UBE2W: variants seen among roughly 807,000 people sequenced by gnomAD.
UBE2W encodes ubiquitin-conjugating enzyme E2 W.
UBE2W carries 18 observed loss-of-function variants against 27.2 expected under a neutral mutation model. The observed-to-expected ratio is 0.66, with a 90% CI of 0.46 to 0.98. The LOEUF is 0.98. UBE2W is among the 50% of genes least tolerant of loss of function. The pLI, the probability that UBE2W is intolerant of heterozygous loss-of-function variation, is 0.00. For synonymous variants in UBE2W, 53 were observed against 57.2 expected, an observed-to-expected ratio of 0.93 and a Z score of 0.33; for missense variants, 90 against 180.2, an observed-to-expected ratio of 0.50 and a Z score of 2.87.
At chr8:73,815,277 A>G (rs1209417124) in intron 3 of UBE2W, among the ~76,000 whole-genome samples, 1 of 152,156 alleles carries the variant, frequency 6.6e-6, no homozygotes, top group Non-Finnish European at 1.5e-5. Context: ...CAGGAAGCTA[A>G]GGTGAGAGGA....
At chr8:73,872,170 T>C (rs1018797647) in intron 1 of UBE2W, among the ~76,000 whole-genome samples, 6 of 152,334 alleles carry the variant, frequency 3.9e-5, no homozygotes, top group South Asian at 2.1e-4. Flanking sequence ...CTGATATTAC[T>C]TTCTGCTTTA....
rs1808059328 is a variant in UBE2W at position 73,788,553 on chromosome 8, T to A, written c.*5549A>T. ...TGTGGTTAACTATGAAAAGATGCAT[T>A]TTCATGGTATCTGACACAATTTACC... On this transcript the variant is annotated 3_prime_UTR_variant, in exon 6 of 6. Transcript: ENST00000602593. The A allele has an allele frequency of 1.0e-6, 1 of 985,440 alleles. No individual in the cohort carries two copies. The highest frequency in any genetic ancestry group is 1.2e-6 in the Non-Finnish European group (1 of 829,930). The allele number at this position is 985,440 out of a possible 1,614,324, so 61.0% of individuals were successfully genotyped here.
intron 3 of UBE2W, among the ~76,000 whole-genome samples, chr8:73,813,424 A>T (rs1471788823): frequency 6.6e-6 from 1 of 152,200 alleles, no homozygotes; most frequent in East Asian, 1.9e-4. Context: ...ACAACTGTGA[A>T]GTAGAAGAGG....
In UBE2W at chr8:73,878,839, C is replaced by G. The variant is rs1015232386; in HGVS notation, c.-17G>C. 7 of 1,549,450 alleles carry G rather than the reference C, an allele frequency of 4.5e-6. No homozygotes were observed. In the African/African-American group the frequency reaches 6.9e-5, roughly 15 times the overall value. ...TGACGCCATGATGGAACCATCCCCCCAAGACCGGCGAGGCCAGAGACGCAG... is the reference window on the plus strand; with the variant it reads ...TGACGCCATGATGGAACCATCCCCCGAAGACCGGCGAGGCCAGAGACGCAG... On this transcript the variant is annotated 5_prime_UTR_variant, in exon 1 of 6. Transcript: ENST00000602593.
At chr8:73,813,119 C>T (rs1476927865) in intron 3 of UBE2W, among the ~76,000 whole-genome samples, 4 of 57,344 alleles carry the variant, frequency 7.0e-5, no homozygotes. Flanking sequence ...AGAACAACTG[C>T]CAAATTATCT....
chr8:73,855,387 CTACTT>C (rs1811246543), intron 1 of UBE2W, among the ~76,000 whole-genome samples: 1 of 140,548 alleles, frequency 7.1e-6, no homozygotes, highest in Non-Finnish European at 1.5e-5. Context: ...TCTTTATATT[CTACTT>C]TCTTTTTTTT....
chr8:73,878,838 C>G lies in UBE2W; in HGVS notation c.-16G>C, dbSNP rs540097389. 9.7e-4 allele frequency: 1,503 copies of G among 1,549,618 alleles called. 1 individual carries two copies. Among genetic ancestry groups the G allele is most frequent in the Non-Finnish European group, 1.2e-3 (1,382 of 1,145,858 alleles). On this transcript the variant is annotated 5_prime_UTR_variant, in exon 1 of 6. Transcript: ENST00000602593. The stretch of plus-strand genomic sequence containing the variant: ...TTGACGCCATGATGGAACCATCCCC[C>G]CAAGACCGGCGAGGCCAGAGACGCA...
intron 4 of UBE2W, 24 bp from the exon 5 acceptor site, chr8:73,805,750 A>T: frequency 7.0e-7 from 1 of 1,424,500 alleles, no homozygotes. Context: ...TAATTTAAAT[A>T]GGTTGAAAAA....
intron 1 of UBE2W, among the ~76,000 whole-genome samples, chr8:73,854,636 G>C (rs576643035): frequency 2.6e-5 from 4 of 152,244 alleles, no homozygotes; most frequent in African/African-American, 9.6e-5. Flanking sequence ...TGGTACCATA[G>C]ATTCTCTGAG....
At chr8:73,786,001 C>T (rs1010412276), downstream of UBE2W, among the ~76,000 whole-genome samples, 1 of 152,172 alleles carries the variant, frequency 6.6e-6, no homozygotes, top group Non-Finnish European at 1.5e-5. Context: ...ATTACATATG[C>T]CCTTTGAAGA....
At chr8:73,833,312 T>C (rs922911688) in intron 1 of UBE2W, among the ~76,000 whole-genome samples, 12 of 151,642 alleles carry the variant, frequency 7.9e-5, no homozygotes, top group Admixed American at 7.9e-4. Flanking sequence ...AAAAATTTTA[T>C]GCCTTGTGAC....
chr8:73,786,739 G>C lies in UBE2W; in HGVS notation c.*7363C>G. 1 of 985,406 alleles carries C rather than the reference G, an allele frequency of 1.0e-6. No homozygotes were observed. The highest frequency in any genetic ancestry group is 1.2e-6 in the Non-Finnish European group (1 of 829,932). The allele number at this position is 985,406 out of a possible 1,614,324, so 61.0% of individuals were successfully genotyped here. On this transcript the variant is annotated 3_prime_UTR_variant, in exon 6 of 6. Transcript: ENST00000602593. ...GGCCAGGTAGTGAAAGGCCCTAATGGTAAGGAGACTGGAGAGAAGGTAGAA... is the reference window on the plus strand; with the variant it reads ...GGCCAGGTAGTGAAAGGCCCTAATGCTAAGGAGACTGGAGAGAAGGTAGAA...
intron 1 of UBE2W, among the ~76,000 whole-genome samples, chr8:73,868,341 T>C (rs1811863311): frequency 6.6e-6 from 1 of 152,176 alleles, no homozygotes; most frequent in South Asian, 2.1e-4. Context: ...CATAGCCACA[T>C]ACCCCACGGG....
At chr8:73,805,472 C>CAAAAAAAAACAAAAAAAAAAAAAAAA in intron 5 of UBE2W, among the ~76,000 whole-genome samples, 179 bp downstream of exon 5, 4 of 43,690 alleles carry the variant, frequency 9.2e-5, no homozygotes, top group Non-Finnish European at 1.5e-4. Flanking sequence ...AAAAAAAAAA[C>CAAAAAAAAACAAAAAAAAAAAAAAAA]AAAAAAAACT....
intron 1 of UBE2W, among the ~76,000 whole-genome samples, chr8:73,860,939 C>G (rs1204297245): frequency 6.6e-6 from 1 of 151,964 alleles, no homozygotes; most frequent in African/African-American, 2.4e-5. Context: ...TTGAGACCAA[C>G]CTGGGCAACA....
intron 1 of UBE2W, among the ~76,000 whole-genome samples, chr8:73,877,604 G>C (rs1333558245): frequency 6.6e-6 from 1 of 152,122 alleles, no homozygotes; most frequent in Non-Finnish European, 1.5e-5. Flanking sequence ...AGGAGGAACA[G>C]AGACTTGCTT....
At chr8:73,831,448 G>A (rs1810059968) in intron 1 of UBE2W, 1 of 156,916 alleles carries the variant, frequency 6.4e-6, no homozygotes, top group South Asian at 1.9e-4. Flanking sequence ...AAAGATCCTG[G>A]AAGAACCACA....
chr8:73,835,509 G>A (rs1412682074), intron 1 of UBE2W, among the ~76,000 whole-genome samples: 4 of 152,190 alleles, frequency 2.6e-5, no homozygotes, highest in Non-Finnish European at 4.4e-5. Flanking sequence ...TTGGGAGGCC[G>A]AGGTGGGTGA....
intron 5 of UBE2W, chr8:73,796,017 G>A (rs942457788): frequency 8.1e-6 from 1 of 124,186 alleles, no homozygotes; most frequent in Non-Finnish European, 1.6e-5. Flanking sequence ...GAGTCTCAGA[G>A]GTTGAGGCTG....
Sources: allele counts gnomAD v4.1 joint callset (sites outside exome capture counted in the v4.1 genomes callset), GRCh38; gene constraint gnomAD v4.1.1; transcripts MANE v1.5; gene names NCBI Gene and HGNC (gene_info 2026-07-23, HGNC 2026-07-21).